Variants in CENPT observed in about 807,000 individuals in gnomAD.
CENPT encodes interphase centromere complex protein 22.
A neutral mutation model predicts 59.7 loss-of-function variants in CENPT; 42 were observed. The ratio of observed to expected loss-of-function variants is 0.70; its 90% CI spans 0.55 to 0.91. The LOEUF (loss-of-function observed/expected upper bound fraction) is 0.91, where lower values mean the gene tolerates loss of function less well. CENPT is among the 40% of genes least tolerant of loss of function. The pLI is 0.00. For missense variants in CENPT, 716 were observed against 713.4 expected, an observed-to-expected ratio of 1.00 and a Z score of -0.04; for synonymous variants, 295 against 289.6, an observed-to-expected ratio of 1.02 and a Z score of -0.19.
chr16:67,829,752 C>T lies in CENPT; in HGVS notation c.1186+13G>A, dbSNP rs1325777374. ...CAGCTGTCACCAGTCACTCCCTGCA[C>T]TGGGCCTCTTACCTGCCCTGCCAGA... On this transcript the variant is annotated intron_variant, in intron 12 of 15. Transcript: ENST00000562787. The T allele has an allele frequency of 6.2e-7, 1 of 1,612,320 alleles. No individual in the cohort carries two copies. Among genetic ancestry groups the T allele is most frequent in the African/African-American group, 1.3e-5 (1 of 74,888 alleles).
At chr16:67,838,381 G>T (rs1240786556) in intron 1 of CENPT, among the ~76,000 whole-genome samples, 1 of 152,120 alleles carries the variant, frequency 6.6e-6, no homozygotes, top group Non-Finnish European at 1.5e-5. Context: ...CAGCACTTTG[G>T]GAGGCCGAGG....
chr16:67,838,721 G>A (rs2057745578), intron 1 of CENPT, among the ~76,000 whole-genome samples: 1 of 151,152 alleles, frequency 6.6e-6, no homozygotes, highest in South Asian at 2.1e-4. Flanking sequence ...AGGTCAGGAG[G>A]TCAAGGCCAG....
chr16:67,846,575 C>A (rs1276285812), intron 1 of CENPT, among the ~76,000 whole-genome samples: 2 of 152,244 alleles, frequency 1.3e-5, no homozygotes, highest in Admixed American at 6.5e-5. Context: ...CAGCTTGGGG[C>A]CGGGCTGGGC....
chr16:67,842,812 T>C lies in CENPT; in HGVS notation c.-492+4589A>G, dbSNP rs2057771072. ...CCATCTTCCCGCTGCGCGGCGTCAA[T>C]GAGCGCAAAGTAGCGCGCAGACCCG... On this transcript the variant is annotated intron_variant, in intron 1 of 15. Transcript: ENST00000562787. This position sits in a 1 kb window ranked among gnomAD's most constrained non-coding sequence, Gnocchi z 4.9. 6 of 1,610,212 alleles carry C rather than the reference T, an allele frequency of 3.7e-6. No homozygotes were observed. In the East Asian group the frequency reaches 1.3e-4, roughly 36 times the overall value.
At position 67,831,848 on chromosome 16, in the gene CENPT, C is replaced by T; in HGVS notation, c.429G>A (p.Leu143=). The change falls in exon 8 of 16, where the codon CTG becomes CTA. Residue 143 remains leucine (L), a synonymous_variant. Coordinates refer to ENST00000562787, the MANE Select transcript of CENPT (RefSeq NM_025082.4). ...QLPELEPPTT[L]APGLLAPGRR... ...TGCCAGGGGCCAGCAGACCTGGAGC[C>T]AGGGTTGTGGGGGGCTCGAGCTCAG... 1 of 1,611,026 alleles carries T rather than the reference C, an allele frequency of 6.2e-7. No individual in the cohort carries two copies. The highest frequency in any genetic ancestry group is 8.5e-7 in the Non-Finnish European group (1 of 1,179,108).
intron 11 of CENPT, 90 bp from the exon 12 acceptor site, chr16:67,830,178 G>A: frequency 7.3e-7 from 1 of 1,360,848 alleles, no homozygotes. Context: ...AGCAGACCCA[G>A]TCCTGCCCAC....
chr16:67,832,611 C>A, intron 4 of CENPT, 66 bp from the exon 5 acceptor site: 2 of 1,413,822 alleles, frequency 1.4e-6, no homozygotes, highest in East Asian at 2.3e-5. Flanking sequence ...TAGAGACATG[C>A]CTTCATCAGG....
Position 67,833,740 on chromosome 16 carries a change from C to T in CENPT, c.110+10G>A, listed in dbSNP as rs1376283939. ...AGTTGCTCAAGTACTCGGGGAGCCC[C>T]CTCACATACCCAGCCCGAGCACTCC... On this transcript the variant is annotated intron_variant, in intron 4 of 15. Coordinates refer to ENST00000562787, the MANE Select transcript of CENPT (RefSeq NM_025082.4). The T allele has an allele frequency of 1.3e-6, 2 of 1,498,384 alleles. No homozygotes were observed. The highest frequency in any genetic ancestry group is 2.6e-5 in the East Asian group (1 of 37,780). The allele number at this position is 1,498,384 out of a possible 1,614,324, so 92.8% of individuals were successfully genotyped here. A position where few individuals can be genotyped will look rare whatever the true frequency, so the allele number is the denominator to read the frequency against.
Position 67,843,379 on chromosome 16 carries a change from G to C in CENPT, c.-492+4022C>G. ...TCCTGGCTCTGATGGAAGTGAAGAT[G>C]AAAGAGATGAAAGGCAGCATTCGCC... On this transcript the variant is annotated intron_variant, in intron 1 of 15. Coordinates refer to ENST00000562787, the MANE Select transcript of CENPT (RefSeq NM_025082.4). This position sits in a 1 kb window ranked among gnomAD's most constrained non-coding sequence, Gnocchi z 5.7. 1 of 1,614,000 alleles carries C rather than the reference G, an allele frequency of 6.2e-7. No individual in the cohort carries two copies. Among genetic ancestry groups the C allele is most frequent in the South Asian group, 1.1e-5 (1 of 91,090 alleles).
chr16:67,843,568 ACTC>A lies in CENPT; in HGVS notation c.-492+3830_-492+3832del. On this transcript the variant is annotated intron_variant, in intron 1 of 15. Transcript: ENST00000562787. The surrounding 1 kb of genome is among the most constrained non-coding windows in gnomAD (Gnocchi z 5.7). ...CCAGGGGACCGCAGGCCATTGTTGA[ACTC>A]CTCTATACTCCTGGGCACTGGTTGA... 2 of 1,451,362 alleles carry A rather than the reference ACTC, an allele frequency of 1.4e-6. No individual in the cohort carries two copies. Among genetic ancestry groups the A allele is most frequent in the Admixed American group, 2.2e-5 (1 of 46,488 alleles). The allele number at this position is 1,451,362 out of a possible 1,614,324, so 89.9% of individuals were successfully genotyped here.
chr16:67,830,636 G>T, intron 10 of CENPT, 88 bp from the exon 11 acceptor site: 1 of 1,402,958 alleles, frequency 7.1e-7, no homozygotes, highest in Non-Finnish European at 9.9e-7. Context: ...CCCACCGGCT[G>T]CTACTCAGCG....
At chr16:67,831,934 T>G (rs1285100085) in intron 7 of CENPT, 44 bp from the exon 8 acceptor site, 1 of 1,596,240 alleles carries the variant, frequency 6.3e-7, no homozygotes, top group Admixed American at 1.8e-5. Flanking sequence ...GAAGTCCAAT[T>G]CTGGCTTTTG....
Position 67,833,866 on chromosome 16 carries a change from G to T in CENPT, c.-7C>A. 2 of 1,499,880 alleles carry T rather than the reference G, an allele frequency of 1.3e-6. No homozygotes were observed. The highest frequency in any genetic ancestry group is 2.6e-5 in the South Asian group (2 of 76,824). 92.9% of individuals were successfully genotyped at this position (1,499,880 alleles called of 1,614,324 possible). On this transcript the variant is annotated 5_prime_UTR_variant, in exon 4 of 16. Coordinates refer to ENST00000562787, the MANE Select transcript of CENPT (RefSeq NM_025082.4). ...CAGGGTTGTGGTCAGCCATCGTCTCGGCCCCGGGCCCTCCTAACCGCCCAG... is the reference window on the plus strand; with the variant it reads ...CAGGGTTGTGGTCAGCCATCGTCTCTGCCCCGGGCCCTCCTAACCGCCCAG...
intron 4 of CENPT, among the ~76,000 whole-genome samples, chr16:67,833,192 T>C (rs553809144): frequency 2.1e-4 from 32 of 152,280 alleles, no homozygotes; most frequent in African/African-American, 7.5e-4. Context: ...CCCTGCTCCT[T>C]AGCAAAGCAT....
rs954253533 is a variant in CENPT, at chr16:67,828,189, G to A, written c.*78C>T. ...TATGACACTTTATTGATGCTGGGGG[G>A]GTGGGGAGGAGACCTGGAGAAATAT... On this transcript the variant is annotated 3_prime_UTR_variant, in exon 16 of 16. Transcript: ENST00000562787. The A allele has an allele frequency of 6.9e-6, 10 of 1,459,132 alleles. No homozygotes were observed. Among genetic ancestry groups the A allele is most frequent in the Non-Finnish European group, 7.4e-6 (8 of 1,082,300 alleles). 90.4% of individuals were successfully genotyped at this position (1,459,132 alleles called of 1,614,324 possible). A position where few individuals can be genotyped will look rare whatever the true frequency, so the allele number is the denominator to read the frequency against.
intron 1 of CENPT, among the ~76,000 whole-genome samples, chr16:67,836,432 C>A (rs1463997261): frequency 6.8e-6 from 1 of 146,992 alleles, no homozygotes; most frequent in East Asian, 2.0e-4. Context: ...TGGAAAAAAA[C>A]AAACATCTTT....
At chr16:67,846,383 A>C (rs1754398304) in intron 1 of CENPT, among the ~76,000 whole-genome samples, 1 of 152,262 alleles carries the variant, frequency 6.6e-6, no homozygotes, top group African/African-American at 2.4e-5. Context: ...GCTCGAAACC[A>C]GCTTTGGGCC....
chr16:67,831,894 T>C lies in CENPT; in HGVS notation c.387-4A>G. 1 of 1,611,102 alleles carries C rather than the reference T, an allele frequency of 6.2e-7. No individual in the cohort carries two copies. Among genetic ancestry groups the C allele is most frequent in the Non-Finnish European group, 8.5e-7 (1 of 1,179,174 alleles). On this transcript the variant is annotated splice_polypyrimidine_tract_variant and splice_region_variant and intron_variant, in intron 7 of 15. Coordinates refer to ENST00000562787, the MANE Select transcript of CENPT (RefSeq NM_025082.4). ...CTCAGGAAGTTGCAGCTCCAGGCTATAAGAATGGAGCTTATCTCAGACAGG... is the reference window on the plus strand; with the variant it reads ...CTCAGGAAGTTGCAGCTCCAGGCTACAAGAATGGAGCTTATCTCAGACAGG...
rs2057769334 is a variant in CENPT at position 67,842,541 on chromosome 16, C to T, written c.-492+4860G>A. On this transcript the variant is annotated intron_variant, in intron 1 of 15. Transcript: ENST00000562787. This position sits in a 1 kb window ranked among gnomAD's most constrained non-coding sequence, Gnocchi z 4.9. Reference sequence around the variant, plus strand: ...AGGAGGCCGGTGGGCCGGGCCGGGCCGCGCGGCGCAGCCATGCCTGGCTTT... The same window carrying T: ...AGGAGGCCGGTGGGCCGGGCCGGGCTGCGCGGCGCAGCCATGCCTGGCTTT... 6.7e-7 allele frequency: 1 copy of T among 1,497,580 alleles called. No individual in the cohort carries two copies. Among genetic ancestry groups the T allele is most frequent in the South Asian group, 1.3e-5 (1 of 77,526 alleles). 92.8% of individuals were successfully genotyped at this position (1,497,580 alleles called of 1,614,324 possible).
Sources: gnomAD v4.1 joint callset for allele counts (sites outside exome capture counted in the v4.1 genomes callset) on GRCh38, gnomAD v4.1.1 for gene constraint, Gnocchi (gnomAD v3.1) non-coding constraint, MANE v1.5 for transcripts, NCBI Gene and HGNC (gene_info 2026-07-23, HGNC 2026-07-21) for gene names.